The following WDR70 variants were observed in gnomAD, a reference collection of about 807,000 sequenced individuals.
WDR70 encodes the protein WD repeat domain 70, also known as WD repeat-containing protein 70.
WDR70 carries 53 observed loss-of-function variants against 88.6 expected under a neutral mutation model. The ratio of observed to expected loss-of-function variants is 0.60; its 90% CI spans 0.48 to 0.75. The LOEUF (loss-of-function observed/expected upper bound fraction) is 0.75, where lower values mean the gene tolerates loss of function less well. Ranked by LOEUF, WDR70 falls within the 30% of genes least tolerant of loss-of-function variation. The pLI is 0.00. For missense variants in WDR70, 610 were observed against 823.2 expected (o/e 0.74, Z 3.17); for synonymous variants, 280 against 270.0 (o/e 1.04, Z -0.36).
intron 5 of WDR70, among the ~76,000 whole-genome samples, chr5:37,431,799 C>A (rs1339684636): frequency 1.3e-5 from 2 of 152,182 alleles, no homozygotes; most frequent in East Asian, 3.8e-4. Flanking sequence ...TAAGTGGAAC[C>A]ATATAGTATT....
At chr5:37,521,432 C>T (rs1213142642) in intron 9 of WDR70, among the ~76,000 whole-genome samples, 1 of 152,080 alleles carries the variant, frequency 6.6e-6, no homozygotes, top group African/African-American at 2.4e-5. Flanking sequence ...TTTTGGTGCA[C>T]CCATTATCTG....
chr5:37,411,330 GTA>G lies in WDR70; in HGVS notation c.492+14766_492+14767del, dbSNP rs1561841819. Among the ~76,000 whole-genome samples, 5 of 152,252 alleles carry G rather than the reference GTA, an allele frequency of 3.3e-5. No homozygotes were observed. The South Asian group carries it at 6.2e-4, about 19-fold the overall frequency. ...TTCAGTTTGGTGAATTTTGACAGTT[GTA>G]TATATTATGTGAAACCACCATCCCA... On this transcript the variant is annotated intron_variant, in intron 5 of 17. Coordinates refer to ENST00000265107, the MANE Select transcript of WDR70 (RefSeq NM_018034.4).
intron 5 of WDR70, 147 bp from the exon 6 acceptor site, chr5:37,437,775 C>A: frequency 1.5e-6 from 1 of 649,182 alleles, no homozygotes; most frequent in Non-Finnish European, 2.5e-6. Context: ...AAAAGATACT[C>A]TCACACTTTT....
In WDR70 at chr5:37,523,682, G is replaced by A. The variant is rs912863660; in HGVS notation, c.917+7092G>A. The stretch of plus-strand genomic sequence containing the variant: ...AGGCTTCAGACGATCAAACTTCTCC[G>A]AGTTAAAGGAGGAAGTTCGAACTCA... On this transcript the variant is annotated intron_variant, in intron 9 of 17. Transcript: ENST00000265107. Among the ~76,000 whole-genome samples, 8 of 152,180 alleles carry A rather than the reference G, an allele frequency of 5.3e-5. No homozygotes were observed. The South Asian group carries it at 1.2e-3, about 24-fold the overall frequency.
chr5:37,454,081 A>C (rs1581295159), intron 7 of WDR70, among the ~76,000 whole-genome samples: 1 of 152,134 alleles, frequency 6.6e-6, no homozygotes, highest in Non-Finnish European at 1.5e-5. Context: ...GTAGTGTTTC[A>C]TATTTTTTTT....
At chr5:37,476,300 A>T (rs1357395992) in intron 7 of WDR70, among the ~76,000 whole-genome samples, 1 of 152,184 alleles carries the variant, frequency 6.6e-6, no homozygotes, top group Middle Eastern at 3.2e-3. Flanking sequence ...CAATACAAAG[A>T]CTTTGGATCA....
chr5:37,661,044 G>A (rs1362368793), intron 10 of WDR70, among the ~76,000 whole-genome samples: 1 of 152,222 alleles, frequency 6.6e-6, no homozygotes, highest in Admixed American at 6.5e-5. Flanking sequence ...TATGGGACTT[G>A]TGCATCCTCA....
At chr5:37,696,070 T>C (rs1746972331) in intron 10 of WDR70, among the ~76,000 whole-genome samples, 1 of 152,196 alleles carries the variant, frequency 6.6e-6, no homozygotes, top group Non-Finnish European at 1.5e-5. Context: ...CACTTGTCGC[T>C]CTGTGTGCTG....
In WDR70 at chr5:37,753,428, C is replaced by A. The variant is rs982378108; in HGVS notation, c.*855C>A. 1 of 152,110 alleles carries A rather than the reference C, an allele frequency of 6.6e-6. No individual in the cohort carries two copies. The highest frequency in any genetic ancestry group is 6.5e-5 in the Admixed American group (1 of 15,268). The allele number at this position is 152,110 out of a possible 1,614,324, so 9.4% of individuals were successfully genotyped here. A position where few individuals can be genotyped will look rare whatever the true frequency, so the allele number is the denominator to read the frequency against. On this transcript the variant is annotated 3_prime_UTR_variant, in exon 18 of 18. Coordinates refer to ENST00000265107, the MANE Select transcript of WDR70 (RefSeq NM_018034.4). The stretch of plus-strand genomic sequence containing the variant: ...TAAACAGAAGACATTAAAAATTATT[C>A]TAAAAAATCATTGTGCTTTAGTGAC...
rs919168517 is a variant in WDR70 at position 37,525,582 on chromosome 5, A to G, written c.917+8992A>G. ...TACAATTAAAAGAGCTAGAGAAGCA[A>G]GAGCAAACACATTCAAAAGCTAGCA... On this transcript the variant is annotated intron_variant, in intron 9 of 17. Coordinates refer to ENST00000265107, the MANE Select transcript of WDR70 (RefSeq NM_018034.4). Among the ~76,000 whole-genome samples, 6 of 152,224 alleles carry G rather than the reference A, an allele frequency of 3.9e-5. No individual in the cohort carries two copies. The East Asian group carries it at 1.2e-3, about 29-fold the overall frequency.
At chr5:37,520,617 A>G (rs986812766) in intron 9 of WDR70, among the ~76,000 whole-genome samples, 1 of 152,160 alleles carries the variant, frequency 6.6e-6, no homozygotes, top group Admixed American at 6.5e-5. Flanking sequence ...TCTAGGATGT[A>G]AGGATATTTT....
At chr5:37,462,886 C>G (rs1739049648) in intron 7 of WDR70, among the ~76,000 whole-genome samples, 1 of 152,020 alleles carries the variant, frequency 6.6e-6, no homozygotes, top group East Asian at 1.9e-4. Flanking sequence ...CAGGACTCAG[C>G]AAAGTTATAT....
intron 17 of WDR70, among the ~76,000 whole-genome samples, chr5:37,732,285 G>A (rs1325008018): frequency 6.6e-6 from 1 of 152,016 alleles, no homozygotes; most frequent in Non-Finnish European, 1.5e-5. Flanking sequence ...CTGATTTGTG[G>A]TTTTGTTTTT....
chr5:37,747,912 C>T (rs762234387), intron 17 of WDR70, among the ~76,000 whole-genome samples: 1 of 152,022 alleles, frequency 6.6e-6, no homozygotes, highest in South Asian at 2.1e-4. Flanking sequence ...AATAAAATAC[C>T]TAGGAATACA....
intron 7 of WDR70, among the ~76,000 whole-genome samples, chr5:37,465,641 A>G (rs1739127835): frequency 6.7e-6 from 1 of 149,814 alleles, no homozygotes; most frequent in Non-Finnish European, 1.5e-5. Context: ...CTGTGTCCAA[A>G]AGACAAATTG....
chr5:37,645,063 C>T (rs1745197414), intron 10 of WDR70, among the ~76,000 whole-genome samples: 1 of 151,584 alleles, frequency 6.6e-6, no homozygotes, highest in East Asian at 1.9e-4. Context: ...TTAAGGTGTA[C>T]CATTAGGTCA....
At chr5:37,535,338 G>A (rs534879433) in intron 9 of WDR70, among the ~76,000 whole-genome samples, 2 of 151,902 alleles carry the variant, frequency 1.3e-5, no homozygotes, top group South Asian at 2.1e-4. Context: ...ATGCAATATG[G>A]CATATTTGAG....
intron 8 of WDR70, among the ~76,000 whole-genome samples, chr5:37,513,394 G>C (rs533397635): frequency 1.3e-5 from 2 of 152,238 alleles, no homozygotes; most frequent in Middle Eastern, 6.8e-3. Context: ...CCCTGATATG[G>C]AGCAGAGCTG....
chr5:37,676,142 A>G (rs987920440), intron 10 of WDR70, among the ~76,000 whole-genome samples: 29 of 150,176 alleles, frequency 1.9e-4, no homozygotes, highest in African/African-American at 5.9e-4. Context: ...GGGCTGAGAC[A>G]ATGGGGTTTT....
Sources: allele counts gnomAD v4.1 joint callset (sites outside exome capture counted in the v4.1 genomes callset), GRCh38; gene constraint gnomAD v4.1.1; transcripts MANE v1.5; gene names NCBI Gene and HGNC (gene_info 2026-07-23, HGNC 2026-07-21).